Variants in PC observed in about 807,000 individuals in gnomAD.
PC encodes the protein pyruvate carboxylase, mitochondrial.
In PC, 46 loss-of-function variants were observed where a neutral mutation model predicts 107.8. That is an observed-to-expected ratio of 0.43 (90% CI 0.34 to 0.55). The LOEUF is 0.55. PC is among the 20% of genes least tolerant of loss of function. PC has a pLI of 0.04. For synonymous variants in PC, 662 were observed against 684.7 expected (o/e 0.97, Z 0.52); for missense variants, 1,241 against 1,643.1 (o/e 0.76, Z 4.23).
intron 3 of PC, among the ~76,000 whole-genome samples, chr11:66,933,639 GC>G (rs1423277691): frequency 6.6e-6 from 1 of 151,808 alleles, no homozygotes; most frequent in Admixed American, 6.6e-5. Context: ...CCTCCACTTG[GC>G]CCCATGACAA....
chr11:66,901,061 C>T (rs1472455813), intron 3 of PC, among the ~76,000 whole-genome samples: 1 of 152,206 alleles, frequency 6.6e-6, no homozygotes, highest in Non-Finnish European at 1.5e-5. Context: ...AAAGTAGCAG[C>T]AGCAGCCGCT....
chr11:66,908,826 C>T lies in PC; in HGVS notation c.1-36667G>A, dbSNP rs553274337. Among the ~76,000 whole-genome samples the T allele has an allele frequency of 4.6e-5, 7 of 152,284 alleles. No individual in the cohort carries two copies. In the East Asian group the frequency reaches 9.7e-4, roughly 21 times the overall value. On this transcript the variant is annotated intron_variant, in intron 3 of 22. Coordinates refer to ENST00000393960, the MANE Select transcript of PC (RefSeq NM_001040716.2). ...ACACCCCGATGTCCCCGAGAACACG[C>T]GTTAACTGAAAAGTCAGGGTGGAGG...
At position 66,866,194 on chromosome 11, in the gene PC, C is replaced by A. The variant is rs752021062; in HGVS notation, c.1178G>T (p.Arg393Leu). 1 of 1,608,260 alleles carries A rather than the reference C, an allele frequency of 6.2e-7. No homozygotes were observed. The highest frequency in any genetic ancestry group is 8.5e-7 in the Non-Finnish European group (1 of 1,179,250). ...PARSFQPDTG[R>L]IEVFRSGEGM... Reference sequence around the variant, plus strand: ...TGCTCGAGCTCCGCCCACCTCAATGCGGCCGGTGTCCGGCTGGAAGCTGCG... The same window carrying A: ...TGCTCGAGCTCCGCCCACCTCAATGAGGCCGGTGTCCGGCTGGAAGCTGCG... The change falls in exon 11 of 23, where the codon CGC becomes CTC. Residue 393 changes from arginine (R) to leucine (L), a missense_variant. Arg to Leu is a moderately radical substitution (Grantham distance 102, BLOSUM62 -2). Coordinates refer to ENST00000393960, the MANE Select transcript of PC (RefSeq NM_001040716.2). This position sits in a 1 kb window ranked among gnomAD's most constrained non-coding sequence, Gnocchi z 5.4.
intron 12 of PC, chr11:66,860,123 T>A: frequency 6.4e-7 from 1 of 1,550,512 alleles, no homozygotes. Context: ...ACTCTGTGCA[T>A]GGGGGGCTGC....
chr11:66,858,424 TG>T lies in PC; in HGVS notation c.1369-5042del. On this transcript the variant is annotated intron_variant, in intron 12 of 22. Coordinates refer to ENST00000393960, the MANE Select transcript of PC (RefSeq NM_001040716.2). The surrounding 1 kb of genome is among the most constrained non-coding windows in gnomAD (Gnocchi z 5.9). Reference sequence around the variant, plus strand: ...GATGCAGAGGCCTCTCCCGCCCCCCTGGTGCTGAGCTTTAGCGGGAACCCCC... The same window carrying T: ...GATGCAGAGGCCTCTCCCGCCCCCCTGTGCTGAGCTTTAGCGGGAACCCCC... 6.4e-7 allele frequency: 1 copy of T among 1,555,042 alleles called. No homozygotes were observed. The highest frequency in any genetic ancestry group is 8.6e-7 in the Non-Finnish European group (1 of 1,156,336).
rs567731225 is a variant in PC, at chr11:66,850,978, C to T, written c.2224-55G>A. The T allele has an allele frequency of 1.4e-3, 2,281 of 1,608,434 alleles. 3 individuals are homozygous for T. The highest frequency in any genetic ancestry group is 1.8e-3 in the Non-Finnish European group (2,134 of 1,179,758). Reference sequence around the variant, plus strand: ...GATGGTAGAGAGGGCAGGATGTGTGCCTGTGGGTGGCGGGGACATGGCCGG... The same window carrying T: ...GATGGTAGAGAGGGCAGGATGTGTGTCTGTGGGTGGCGGGGACATGGCCGG... On this transcript the variant is annotated intron_variant, in intron 17 of 22. Coordinates refer to ENST00000393960, the MANE Select transcript of PC (RefSeq NM_001040716.2).
chr11:66,853,818 C>T (rs1320489704), intron 12 of PC, among the ~76,000 whole-genome samples: 2 of 152,214 alleles, frequency 1.3e-5, no homozygotes, highest in African/African-American at 2.4e-5. Context: ...CCTTGCTGCT[C>T]GTTCCCTGGG....
At chr11:66,892,213 G>A (rs561842986) in intron 3 of PC, among the ~76,000 whole-genome samples, 9 of 152,292 alleles carry the variant, frequency 5.9e-5, no homozygotes, top group African/African-American at 2.2e-4. Flanking sequence ...GACTGGCCTT[G>A]AACTAGATGA....
chr11:66,921,818 T>C (rs956569078), intron 3 of PC, among the ~76,000 whole-genome samples: 3 of 152,202 alleles, frequency 2.0e-5, no homozygotes, highest in African/African-American at 7.2e-5. Context: ...TTGTATTCTT[T>C]TATATAAATT....
In PC at chr11:66,848,497, T is replaced by G; in HGVS notation, c.*402A>C. On this transcript the variant is annotated 3_prime_UTR_variant, in exon 23 of 23. Coordinates refer to ENST00000393960, the MANE Select transcript of PC (RefSeq NM_001040716.2). ...CCCCCCACTGCTGAGTGGTGCAGGC[T>G]GGGGGCTGCACAGGATCCAGCATGG... 3 of 576,170 alleles carry G rather than the reference T, an allele frequency of 5.2e-6. No individual in the cohort carries two copies. The highest frequency in any genetic ancestry group is 9.2e-6 in the Non-Finnish European group (3 of 326,292). 35.7% of individuals were successfully genotyped at this position (576,170 alleles called of 1,614,324 possible).
At chr11:66,952,084 T>A (rs950554972) in intron 3 of PC, among the ~76,000 whole-genome samples, 10 of 152,060 alleles carry the variant, frequency 6.6e-5, no homozygotes, top group African/African-American at 2.4e-4. Context: ...AGCTGCCTGC[T>A]CTCCATGCTG....
chr11:66,872,179 C>T lies in PC; in HGVS notation c.1-20G>A. On this transcript the variant is annotated intron_variant, in intron 3 of 22. Transcript: ENST00000393960. ...CAGCATCTAGGGAGGGAAGTTAGAG[C>T]CCAGGTTAGCGCAGCCTCAGCACTG... is the stretch of plus-strand genomic sequence containing the variant. 1.3e-6 allele frequency: 2 copies of T among 1,570,712 alleles called. No homozygotes were observed. The highest frequency in any genetic ancestry group is 1.4e-5 in the African/African-American group (1 of 73,684).
intron 3 of PC, among the ~76,000 whole-genome samples, chr11:66,919,143 C>A (rs983992145): frequency 6.6e-6 from 1 of 152,146 alleles, no homozygotes; most frequent in East Asian, 1.9e-4. Flanking sequence ...AAGCCAGGTG[C>A]GGTGGCTCAG....
At position 66,870,574 on chromosome 11, in the gene PC, G is replaced by A. The variant is rs1946686284; in HGVS notation, c.752-121C>T. 5 of 1,242,076 alleles carry A rather than the reference G, an allele frequency of 4.0e-6. No homozygotes were observed. Among genetic ancestry groups the A allele is most frequent in the Non-Finnish European group, 5.8e-6 (5 of 865,340 alleles). The allele number at this position is 1,242,076 out of a possible 1,614,324, so 76.9% of individuals were successfully genotyped here. On this transcript the variant is annotated intron_variant, in intron 8 of 22. Coordinates refer to ENST00000393960, the MANE Select transcript of PC (RefSeq NM_001040716.2). This position sits in a 1 kb window ranked among gnomAD's most constrained non-coding sequence, Gnocchi z 6.1. ...GCCGGCTGCCAGCGGTACAGAGGCT[G>A]CCAGGAGAGACACCAGCATCACCAA...
At position 66,849,632 on chromosome 11, in the gene PC, G is replaced by C. The variant is rs1945351137; in HGVS notation, c.3126C>G (p.Pro1042=). The C allele has an allele frequency of 1.2e-6, 2 of 1,614,194 alleles. No homozygotes were observed. Among genetic ancestry groups the C allele is most frequent in the Non-Finnish European group, 1.7e-6 (2 of 1,180,032 alleles). ...SLNTRLFLQG[P]KIAEEFEVEL... ...TGACCTCAAACTCCTCTGCGATCTT[G>C]GGTCCCTGCAGGAAGAGGCGAGTAT... The change falls in exon 21 of 23, where the codon CCC becomes CCG. Residue 1042 remains proline (P), a synonymous_variant. Transcript: ENST00000393960.
chr11:66,878,872 C>A (rs1029122937), intron 3 of PC, among the ~76,000 whole-genome samples: 2 of 152,206 alleles, frequency 1.3e-5, no homozygotes, highest in Non-Finnish European at 2.9e-5. Context: ...CACAGCCCAG[C>A]GCAGGCCCAC....
In PC at chr11:66,871,291, C is replaced by G; in HGVS notation, c.487+24G>C. 1 of 1,614,050 alleles carries G rather than the reference C, an allele frequency of 6.2e-7. No individual in the cohort carries two copies. Among genetic ancestry groups the G allele is most frequent in the South Asian group, 1.1e-5 (1 of 91,090 alleles). On this transcript the variant is annotated intron_variant, in intron 6 of 22. Coordinates refer to ENST00000393960, the MANE Select transcript of PC (RefSeq NM_001040716.2). This position sits in a 1 kb window ranked among gnomAD's most constrained non-coding sequence, Gnocchi z 7.4. ...CCCTCTCCAGGAGCTGCGGGGCCAC[C>G]CCTTGCTTGCCCGTTATATTCACCC...
chr11:66,921,720 C>T (rs1435977235), intron 3 of PC, among the ~76,000 whole-genome samples: 4 of 152,146 alleles, frequency 2.6e-5, no homozygotes, highest in Non-Finnish European at 4.4e-5. Flanking sequence ...ACGCCTTTTA[C>T]CTCCAGAGCT....
At chr11:66,853,692 C>T (rs1357797967) in intron 12 of PC, among the ~76,000 whole-genome samples, 1 of 152,224 alleles carries the variant, frequency 6.6e-6, no homozygotes, top group Non-Finnish European at 1.5e-5. Flanking sequence ...GCGTGGCCCA[C>T]AGCAGTCACC....
Sources: allele counts gnomAD v4.1 joint callset (sites outside exome capture counted in the v4.1 genomes callset), GRCh38; gene constraint gnomAD v4.1.1; non-coding constraint Gnocchi (gnomAD v3.1); transcripts MANE v1.5; gene names NCBI Gene and HGNC (gene_info 2026-07-23, HGNC 2026-07-21).